Variants in RBMS1 observed in about 807,000 individuals in gnomAD.
The protein encoded by RBMS1 is RNA-binding motif, single-stranded-interacting protein 1.
In RBMS1, 17 loss-of-function variants were observed where a neutral mutation model predicts 62.3. The observed-to-expected ratio is 0.27, with a 90% CI of 0.19 to 0.41. RBMS1 has a LOEUF of 0.41. Among genes scored for constraint, RBMS1 ranks in the 10% least tolerant of loss-of-function variants. RBMS1 has a pLI of 1.00. For synonymous variants in RBMS1, 172 were observed against 170.0 expected (o/e 1.01, Z -0.09); for missense variants, 334 against 504.5 (o/e 0.66, Z 3.24).
intron 10 of RBMS1, chr2:160,279,588 A>G (rs1422013881): frequency 6.6e-6 from 1 of 152,222 alleles, no homozygotes; most frequent in African/African-American, 2.4e-5. Context: ...AAATGGTTAC[A>G]TTGATTGTAT....
Position 160,419,205 on chromosome 2 carries a change from T to C in RBMS1, c.76-51814A>G, listed in dbSNP as rs555295556. 2.4e-4 allele frequency among the ~76,000 whole-genome samples: 36 copies of C among 152,288 alleles called. No homozygotes were observed. The East Asian group carries it at 6.5e-3, about 28-fold the overall frequency. ...AATTTCTTGATTGATTTAAAATATATTCTATTTTAGGGGGACTCTTTTAAG... is the reference window on the plus strand; with the variant it reads ...AATTTCTTGATTGATTTAAAATATACTCTATTTTAGGGGGACTCTTTTAAG... On this transcript the variant is annotated intron_variant, in intron 1 of 13. Coordinates refer to ENST00000348849, the MANE Select transcript of RBMS1 (RefSeq NM_016836.4).
At position 160,493,684 on chromosome 2, in the gene RBMS1, G is replaced by A. The variant is rs1685972675; in HGVS notation, c.-321C>T. 4.8e-6 allele frequency: 2 copies of A among 420,308 alleles called. No homozygotes were observed. The highest frequency in any genetic ancestry group is 2.1e-5 in the African/African-American group (1 of 47,344). 26.0% of individuals were successfully genotyped at this position (420,308 alleles called of 1,614,324 possible). On this transcript the variant is annotated 5_prime_UTR_variant, in exon 1 of 14. Coordinates refer to ENST00000348849, the MANE Select transcript of RBMS1 (RefSeq NM_016836.4). ...CCTCCCGGAGCCCGACTGCTCCGGG[G>A]CTGCCAAGGGCTGGCGCGCTGGCCG... is the stretch of plus-strand genomic sequence containing the variant.
At chr2:160,309,782 A>T (rs1403668092) in intron 4 of RBMS1, among the ~76,000 whole-genome samples, 1 of 152,124 alleles carries the variant, frequency 6.6e-6, no homozygotes, top group Non-Finnish European at 1.5e-5. Context: ...CCATCCCTGG[A>T]GGGGTTAAAT....
At chr2:160,440,571 C>A (rs541905700) in intron 1 of RBMS1, among the ~76,000 whole-genome samples, 51 of 152,294 alleles carry the variant, frequency 3.3e-4, no homozygotes, top group Non-Finnish European at 6.6e-4. Context: ...CTCCCCCACC[C>A]TCACCAAAAT....
At chr2:160,408,073 G>A (rs1465315699) in intron 1 of RBMS1, among the ~76,000 whole-genome samples, 1 of 150,402 alleles carries the variant, frequency 6.6e-6, no homozygotes, top group Admixed American at 6.6e-5. Flanking sequence ...GGGCCGGGCG[G>A]CCCGGGGAGC....
At chr2:160,382,099 T>C (rs1694310678) in intron 1 of RBMS1, among the ~76,000 whole-genome samples, 1 of 152,172 alleles carries the variant, frequency 6.6e-6, no homozygotes, top group Non-Finnish European at 1.5e-5. Context: ...CTTTATGTGT[T>C]TGGTGAAGGA....
intron 1 of RBMS1, among the ~76,000 whole-genome samples, chr2:160,459,640 A>G (rs1684383975): frequency 1.3e-5 from 2 of 152,316 alleles, no homozygotes; most frequent in South Asian, 4.1e-4. Flanking sequence ...CACATGTTAC[A>G]TGGTTAATCT....
chr2:160,321,604 T>C (rs548312123), intron 2 of RBMS1, among the ~76,000 whole-genome samples: 3 of 152,250 alleles, frequency 2.0e-5, no homozygotes, highest in Admixed American at 2.0e-4. Flanking sequence ...AGTAGTGAAA[T>C]ATCAAGCCCA....
chr2:160,469,164 T>C (rs1684814883), intron 1 of RBMS1, among the ~76,000 whole-genome samples: 1 of 152,356 alleles, frequency 6.6e-6, no homozygotes, highest in Non-Finnish European at 1.5e-5. Flanking sequence ...ATAAACTACA[T>C]ACAAATTAGA....
In RBMS1 at chr2:160,350,798, G is replaced by A. The variant is rs542757803; in HGVS notation, c.251+16418C>T. Among the ~76,000 whole-genome samples the A allele has an allele frequency of 7.3e-4, 111 of 152,208 alleles. 1 individual carries two copies. The highest frequency in any genetic ancestry group is 3.2e-3 in the Admixed American group (49 of 15,270). ...TTCCAAGTCTTTGCTATTGTGAATA[G>A]TGCTGCAATAAACAAACGTGTGCAT... On this transcript the variant is annotated intron_variant, in intron 2 of 13. Coordinates refer to ENST00000348849, the MANE Select transcript of RBMS1 (RefSeq NM_016836.4).
intron 1 of RBMS1, among the ~76,000 whole-genome samples, chr2:160,375,298 G>A (rs1048778523): frequency 2.0e-5 from 3 of 152,124 alleles, no homozygotes; most frequent in Non-Finnish European, 4.4e-5. Flanking sequence ...ATCATACTGC[G>A]GCACCATTTT....
chr2:160,301,761 C>T (rs1404937541), intron 5 of RBMS1, among the ~76,000 whole-genome samples: 1 of 152,134 alleles, frequency 6.6e-6, no homozygotes, highest in African/African-American at 2.4e-5. Context: ...AGTACTAGCC[C>T]CTGCTTCATT....
chr2:160,379,283 G>A (rs1694161423), intron 1 of RBMS1, among the ~76,000 whole-genome samples: 1 of 151,826 alleles, frequency 6.6e-6, no homozygotes, highest in Non-Finnish European at 1.5e-5. Flanking sequence ...ATACTCTGAA[G>A]GGCTGTTTCT....
intron 1 of RBMS1, among the ~76,000 whole-genome samples, chr2:160,446,628 G>A (rs1683662231): frequency 6.6e-6 from 1 of 152,208 alleles, no homozygotes; most frequent in Admixed American, 6.5e-5. Flanking sequence ...AACCGTGTAT[G>A]TGAGAGAACC....
At chr2:160,426,540 T>G (rs957660020) in intron 1 of RBMS1, among the ~76,000 whole-genome samples, 51 of 152,246 alleles carry the variant, frequency 3.3e-4, no homozygotes, top group African/African-American at 1.2e-3. Context: ...GAAACTATCA[T>G]GTGACATACA....
chr2:160,306,350 A>G (rs1290213851), intron 4 of RBMS1, among the ~76,000 whole-genome samples: 2 of 152,180 alleles, frequency 1.3e-5, no homozygotes, highest in Non-Finnish European at 2.9e-5. Context: ...TTGAAAGTTT[A>G]CCGATGAGGA....
rs571512388 is a variant in RBMS1, at chr2:160,484,724, A to G, written c.75+8565T>C. On this transcript the variant is annotated intron_variant, in intron 1 of 13. Transcript: ENST00000348849. ...GCCTCTACTGAAAATACAAAAAATT[A>G]GCCGGGCATGGTGGCGGGCGCCTGT... Among the ~76,000 whole-genome samples, 449 of 150,998 alleles carry G rather than the reference A, an allele frequency of 3.0e-3. 6 individuals carry two copies. Among genetic ancestry groups the G allele is most frequent in the East Asian group, 0.013 (66 of 5,078 alleles).
chr2:160,368,857 C>G (rs1283977397), intron 1 of RBMS1, among the ~76,000 whole-genome samples: 1 of 152,148 alleles, frequency 6.6e-6, no homozygotes, highest in Non-Finnish European at 1.5e-5. Context: ...CCTGGCTGGT[C>G]TTGAACTCCA....
intron 2 of RBMS1, among the ~76,000 whole-genome samples, chr2:160,352,824 T>G (rs779285383): frequency 2.4e-4 from 36 of 152,266 alleles, no homozygotes; most frequent in Non-Finnish European, 4.4e-4. Flanking sequence ...CCGCGTTGCA[T>G]CATGATAAAG....
Sources: gnomAD v4.1 joint callset for allele counts (sites outside exome capture counted in the v4.1 genomes callset) on GRCh38, gnomAD v4.1.1 for gene constraint, MANE v1.5 for transcripts, NCBI Gene and HGNC (gene_info 2026-07-23, HGNC 2026-07-21) for gene names.